Variants in PHC2 observed in about 807,000 individuals in gnomAD.
PHC2 encodes the protein polyhomeotic homolog 2, also known as polyhomeotic-like protein 2.
A neutral mutation model predicts 87.4 loss-of-function variants in PHC2; 29 were observed. The observed-to-expected ratio is 0.33, with a 90% CI of 0.25 to 0.45. The LOEUF is 0.45. PHC2 is among the 20% of genes least tolerant of loss of function. The probability of loss-of-function intolerance (pLI) is 1.00; values close to 1 mark genes in which losing one functional copy is unlikely to be tolerated. For synonymous variants in PHC2, 438 were observed against 461.7 expected, an observed-to-expected ratio of 0.95 and a Z score of 0.66; for missense variants, 857 against 1,136.7, an observed-to-expected ratio of 0.75 and a Z score of 3.54.
intron 1 of PHC2, among the ~76,000 whole-genome samples, chr1:33,423,232 T>C (rs1650500608): frequency 6.6e-6 from 1 of 152,092 alleles, no homozygotes; most frequent in Admixed American, 6.6e-5. Context: ...GCTTAAAAAG[T>C]ATATACTTTT....
chr1:33,395,786 A>C (rs1649268854), intron 1 of PHC2, among the ~76,000 whole-genome samples: 1 of 152,196 alleles, frequency 6.6e-6, no homozygotes, highest in African/African-American at 2.4e-5. Context: ...GACAAATTTC[A>C]ATTATCTTAG....
chr1:33,378,991 T>C (rs1003832710), intron 1 of PHC2, among the ~76,000 whole-genome samples: 1 of 151,600 alleles, frequency 6.6e-6, no homozygotes, highest in African/African-American at 2.4e-5. Context: ...AGTTTGGGGG[T>C]TATCATTTCT....
rs575136562 is a variant in PHC2 at position 33,343,741 on chromosome 1, C to T, written c.1559-9449G>A. Among the ~76,000 whole-genome samples the T allele has an allele frequency of 6.6e-5, 10 of 152,250 alleles. No homozygotes were observed. In the South Asian group the frequency reaches 1.0e-3, roughly 16 times the overall value. ...TCACTGAGTCTGGCCTCTTACAGCC[C>T]CAGAGCAGGGCTAATCTTTCCGTGG... is the stretch of plus-strand genomic sequence containing the variant. On this transcript the variant is annotated intron_variant, in intron 9 of 14. Coordinates refer to ENST00000683057, the MANE Select transcript of PHC2 (RefSeq NM_001385109.1).
intron 1 of PHC2, among the ~76,000 whole-genome samples, chr1:33,419,535 T>C (rs1168091705): frequency 6.6e-6 from 1 of 152,214 alleles, no homozygotes; most frequent in East Asian, 1.9e-4. Context: ...CACTTGTGAT[T>C]GTATTTAGGG....
At chr1:33,346,860 C>G (rs896273742) in intron 9 of PHC2, 1 of 985,272 alleles carries the variant, frequency 1.0e-6, no homozygotes. Context: ...AAGACACCTA[C>G]GAGCACACCA....
chr1:33,346,758 C>T (rs1646852020), intron 9 of PHC2: 1 of 985,376 alleles, frequency 1.0e-6, no homozygotes, highest in Non-Finnish European at 1.2e-6. Context: ...GCCTGAGGTC[C>T]ACAGCCTAAA....
chr1:33,375,991 T>C (rs917199661), intron 1 of PHC2, among the ~76,000 whole-genome samples: 2 of 152,230 alleles, frequency 1.3e-5, no homozygotes, highest in African/African-American at 4.8e-5. Flanking sequence ...GACTATGCAG[T>C]ATATACATCA....
chr1:33,371,106 C>T lies in PHC2; in HGVS notation c.334-12G>A. 6.2e-7 allele frequency: 1 copy of T among 1,611,672 alleles called. No homozygotes were observed. Among genetic ancestry groups the T allele is most frequent in the Non-Finnish European group, 8.5e-7 (1 of 1,177,828 alleles). ...GATACCAGGCTTGCCTAGGAAAGAA[C>T]AAACTCCTCTTGCTAGAGTCCCAGA... On this transcript the variant is annotated splice_polypyrimidine_tract_variant and intron_variant, in intron 3 of 14. Transcript: ENST00000683057.
chr1:33,408,221 CAGTT>C (rs1271125312), intron 1 of PHC2, among the ~76,000 whole-genome samples: 1 of 152,142 alleles, frequency 6.6e-6, no homozygotes, highest in African/African-American at 2.4e-5. Context: ...GGGAGTGAAT[CAGTT>C]AGTCTATTTT....
Position 33,324,891 on chromosome 1 carries a change from G to A in PHC2, c.2554C>T (p.Arg852Cys), listed in dbSNP as rs1206876788. The change falls in exon 15 of 15, where the codon CGC becomes TGC. Residue 852 changes from arginine (R) to cysteine (C), a missense_variant. By Grantham distance (180) the Arg-to-Cys change is radical. This residue lies in a region of PHC2 where 22 missense variants were observed against 36.0 expected (regional missense o/e 0.61). Transcript: ENST00000683057. Reference protein sequence around the residue: ...KLGPALKIYARISMLKDS With the variant: ...KLGPALKIYACISMLKDS ...TAGGAGTCCTTGAGCATGCTGATGC[G>A]GGCGTAGATCTTCAGGGCGGGCCCC... The A allele has an allele frequency of 8.7e-6, 14 of 1,613,404 alleles. No homozygotes were observed. Among genetic ancestry groups the A allele is most frequent in the African/African-American group, 2.7e-5 (2 of 74,926 alleles).
At position 33,368,758 on chromosome 1, in the gene PHC2, A is replaced by G. The variant is rs547425477; in HGVS notation, c.577-136T>C. The G allele has an allele frequency of 1.0e-4, 70 of 696,300 alleles. 2 individuals are homozygous for G. The highest frequency in any genetic ancestry group is 6.0e-4 in the African/African-American group (34 of 56,720). The allele number at this position is 696,300 out of a possible 1,614,324, so 43.1% of individuals were successfully genotyped here. ...ACTCAGCCACAGGACACAACTGTTT[A>G]GCCCAGGAGCGGCTATGAGGAAGGG... On this transcript the variant is annotated intron_variant, in intron 5 of 14. Transcript: ENST00000683057. The surrounding 1 kb of genome is among the most constrained non-coding windows in gnomAD (Gnocchi z 6.6).
chr1:33,393,914 C>T (rs1229792058), intron 1 of PHC2, among the ~76,000 whole-genome samples: 1 of 152,214 alleles, frequency 6.6e-6, no homozygotes, highest in Non-Finnish European at 1.5e-5. Context: ...GGTGACAGCT[C>T]TCCAACCTCT....
At position 33,370,401 on chromosome 1, in the gene PHC2, C is replaced by G; in HGVS notation, c.576+20G>C. The G allele has an allele frequency of 6.2e-7, 1 of 1,605,120 alleles. No homozygotes were observed. Among genetic ancestry groups the G allele is most frequent in the Non-Finnish European group, 8.5e-7 (1 of 1,173,238 alleles). On this transcript the variant is annotated intron_variant, in intron 5 of 14. Coordinates refer to ENST00000683057, the MANE Select transcript of PHC2 (RefSeq NM_001385109.1). ...TCCTCCTGGTGCCTCTGAGCCATGG[C>G]CCTGGCCATGGGTACTCACCATCTG...
At position 33,369,224 on chromosome 1, in the gene PHC2, G is replaced by C. The variant is rs1647673117; in HGVS notation, c.577-602C>G. ...CCTCATGTCTGAATCCCATCCTGCA[G>C]GGTGCAGGATCCATGGTGTTCTCTG... On this transcript the variant is annotated intron_variant, in intron 5 of 14. Transcript: ENST00000683057. This position sits in a 1 kb window ranked among gnomAD's most constrained non-coding sequence, Gnocchi z 4.7. Among the ~76,000 whole-genome samples, 1 of 152,240 alleles carries C rather than the reference G, an allele frequency of 6.6e-6. No individual in the cohort carries two copies. The highest frequency in any genetic ancestry group is 2.4e-5 in the African/African-American group (1 of 41,460).
chr1:33,358,405 T>C (rs993626071), intron 7 of PHC2, among the ~76,000 whole-genome samples: 2 of 152,158 alleles, frequency 1.3e-5, no homozygotes, highest in Non-Finnish European at 2.9e-5. Context: ...TGAATCAATT[T>C]ATAGATCAGA....
intron 9 of PHC2, chr1:33,336,948 A>G (rs1646650794): frequency 6.6e-6 from 1 of 152,226 alleles, no homozygotes; most frequent in South Asian, 2.1e-4. Context: ...AATCAAATTA[A>G]GTTTCTGTGC....
intron 9 of PHC2, chr1:33,346,709 T>G (rs761785370): frequency 5.8e-5 from 57 of 985,028 alleles, no homozygotes; most frequent in Non-Finnish European, 6.9e-5. Context: ...AGTGAGGAGG[T>G]GGGGGAACTT....
At chr1:33,370,641 C>A in intron 4 of PHC2, 56 bp from the exon 5 acceptor site, 3 of 1,496,232 alleles carry the variant, frequency 2.0e-6, no homozygotes, top group Non-Finnish European at 2.7e-6. Flanking sequence ...TGAGCTGTGT[C>A]CCCCTCATCC....
At chr1:33,330,643 C>T (rs770575244) in intron 12 of PHC2, among the ~76,000 whole-genome samples, 6 of 152,186 alleles carry the variant, frequency 3.9e-5, no homozygotes, top group Non-Finnish European at 7.3e-5. Context: ...TCTAGCTTGG[C>T]ATGCAGAACA....
Sources: allele counts gnomAD v4.1 joint callset (sites outside exome capture counted in the v4.1 genomes callset), GRCh38; gene constraint gnomAD v4.1.1; regional missense constraint gnomAD v4.1.1; non-coding constraint Gnocchi (gnomAD v3.1); transcripts MANE v1.5; gene names NCBI Gene and HGNC (gene_info 2026-07-23, HGNC 2026-07-21).